The following CLUH variants were observed in gnomAD, a reference collection of about 807,000 sequenced individuals.
CLUH encodes clustered mitochondria protein homolog.
Under a neutral mutation model 139.3 loss-of-function variants are expected in CLUH, and 77 were observed. That is an observed-to-expected ratio of 0.55 (90% CI 0.46 to 0.67). The LOEUF (loss-of-function observed/expected upper bound fraction) is 0.67, where lower values mean the gene tolerates loss of function less well. Ranked by LOEUF, CLUH falls within the 30% of genes least tolerant of loss-of-function variation. CLUH has a pLI of 0.00. For missense variants in CLUH, 1,876 were observed against 1,875.8 expected (o/e 1.00, Z 0.00); for synonymous variants, 999 against 801.6 (o/e 1.25, Z -4.16).
chr17:2,700,196 G>A (rs1303861034), intron 9 of CLUH, among the ~76,000 whole-genome samples, 186 bp downstream of exon 9: 2 of 152,210 alleles, frequency 1.3e-5, no homozygotes, highest in African/African-American at 2.4e-5. Context: ...CCAGAGAAAG[G>A]TACTGGGATG....
chr17:2,696,419 GC>G lies in CLUH; in HGVS notation c.2290+14del. On this transcript the variant is annotated intron_variant, in intron 12 of 25. Transcript: ENST00000651024. The stretch of plus-strand genomic sequence containing the variant: ...CCCTGGAGGGCTCCTGCGCTGGCCG[GC>G]CCCCACCACCTGCCTGGTGAGAAGA... The G allele has an allele frequency of 6.4e-7, 1 of 1,569,004 alleles. No individual in the cohort carries two copies. The highest frequency in any genetic ancestry group is 8.6e-7 in the Non-Finnish European group (1 of 1,157,896).
rs747763125 is a variant in CLUH, at chr17:2,698,468, G to A, written c.1389C>T (p.Phe463=). The part of the protein sequence containing the change: ...KMQMFIWNNI[F]FSLGFDVRDH... Reference sequence around the variant, plus strand: ...CTCGGACGTCGAAGCCCAGGCTGAAGAAGATGTTGTTCCAGATGAACATCT... The same window carrying A: ...CTCGGACGTCGAAGCCCAGGCTGAAAAAGATGTTGTTCCAGATGAACATCT... Residue 463 remains phenylalanine, a synonymous_variant, in exon 10 of 26, where the codon TTC becomes TTT. Transcript: ENST00000651024. 7 of 1,613,182 alleles carry A rather than the reference G, an allele frequency of 4.3e-6. No homozygotes were observed. Among genetic ancestry groups the A allele is most frequent in the Non-Finnish European group, 5.9e-6 (7 of 1,179,832 alleles).
Position 2,698,099 on chromosome 17 carries a change from C to A in CLUH, c.1758G>T (p.Ser586=). The A allele has an allele frequency of 6.2e-7, 1 of 1,603,136 alleles. No homozygotes were observed. Residue 586 remains serine (S), a synonymous_variant, in exon 10 of 26, where the codon TCG becomes TCT. Transcript: ENST00000651024. The stretch of plus-strand genomic sequence containing the variant: ...TGCCAATGATGCCCTTGCACTCGAC[C>A]GAGGAGCAGAGCTCCACCTCCTCGT... ...DRDEEVELCS[S]VECKGIIGND... is the part of the protein sequence containing the mutation.
chr17:2,694,618 C>T (rs955027894), intron 16 of CLUH, 54 bp from the exon 17 acceptor site: 6 of 1,473,574 alleles, frequency 4.1e-6, no homozygotes, highest in Middle Eastern at 2.0e-4. Context: ...GCCCCCCCAA[C>T]ACCGCCCCAC....
At position 2,698,394 on chromosome 17, in the gene CLUH, G is replaced by A. The variant is rs746688846; in HGVS notation, c.1463C>T (p.Thr488Ile). ...CGTGCGGACGCCATTCAGGTCGTTG[G>A]TGGGCGCCACGTAGGCCGCCACGTC... ...GGDVAAYVAP[T>I]NDLNGVRTYN... The change falls in exon 10 of 26, where the codon ACC (threonine) becomes ATC (isoleucine). Residue 488 changes from threonine to isoleucine, a missense_variant. Physicochemically the swap from Thr to Ile is moderately conservative, Grantham distance 89. Transcript: ENST00000651024. The A allele has an allele frequency of 6.2e-7, 1 of 1,613,226 alleles. No individual in the cohort carries two copies. Among genetic ancestry groups the A allele is most frequent in the Non-Finnish European group, 8.5e-7 (1 of 1,179,732 alleles).
chr17:2,695,134 CCCTCAGCCCCA>C lies in CLUH; in HGVS notation c.2608-44_2608-34del, dbSNP rs747605648. 6.8e-6 allele frequency: 11 copies of C among 1,612,546 alleles called. No individual in the cohort carries two copies. In the South Asian group the frequency reaches 7.7e-5, roughly 11 times the overall value. On this transcript the variant is annotated intron_variant, in intron 15 of 25. Transcript: ENST00000651024. ...GCAGGTTGGATCCGAGTCATGAGGG[CCCTCAGCCCCA>C]CCTCAGGCTCTTTCCCGACGCCCCA...
In CLUH at chr17:2,691,780, G is replaced by A. The variant is rs372964732; in HGVS notation, c.3770C>T (p.Ala1257Val). 4 of 1,593,572 alleles carry A rather than the reference G, an allele frequency of 2.5e-6. No individual in the cohort carries two copies. Among genetic ancestry groups the A allele is most frequent in the African/African-American group, 1.3e-5 (1 of 74,506 alleles). The change falls in exon 24 of 26, where the codon GCC (alanine) becomes GTC (valine). Residue 1257 changes from alanine to valine, a missense_variant. Physicochemically the swap from Ala to Val is moderately conservative, Grantham distance 64. This residue lies in a region of CLUH where 1,454 missense variants were observed against 1,384.4 expected (regional missense o/e 1.05). Coordinates refer to ENST00000651024, the MANE Select transcript of CLUH (RefSeq NM_001366661.1). ...ACTCACCTTGAGGGGCGGGATGTTG[G>A]CGCTGGAGCCGTTGCGGTAGATCTC... is the stretch of plus-strand genomic sequence containing the variant. ...MNEIYRNGSS[A>V]NIPPLKFTAP... is the part of the protein sequence containing the mutation.
chr17:2,710,123 A>G (rs572872091), intron 1 of CLUH, among the ~76,000 whole-genome samples: 101 of 152,298 alleles, frequency 6.6e-4, no homozygotes, highest in Admixed American at 1.4e-3. Context: ...CTTGCTGGCC[A>G]TGAGCTGGAA....
chr17:2,700,968 C>T (rs1388734004), intron 7 of CLUH, 143 bp from the exon 8 acceptor site: 1 of 1,425,492 alleles, frequency 7.0e-7, no homozygotes, highest in Admixed American at 2.2e-5. Context: ...TGCACGGGCG[C>T]CTCTCCTGCG....
chr17:2,690,450 C>T lies in CLUH; in HGVS notation c.*144G>A. 1 of 682,598 alleles carries T rather than the reference C, an allele frequency of 1.5e-6. No individual in the cohort carries two copies. The highest frequency in any genetic ancestry group is 2.2e-6 in the Non-Finnish European group (1 of 460,036). The allele number at this position is 682,598 out of a possible 1,614,324, so 42.3% of individuals were successfully genotyped here. Reference sequence around the variant, plus strand: ...TCTGCGGGGCAGGCAGGCCAGGCTCCCAGGAGGACACGGGGGTGGGGTGGG... The same window carrying T: ...TCTGCGGGGCAGGCAGGCCAGGCTCTCAGGAGGACACGGGGGTGGGGTGGG... On this transcript the variant is annotated 3_prime_UTR_variant, in exon 26 of 26. Transcript: ENST00000651024.
chr17:2,707,917 G>A lies in CLUH; in HGVS notation c.101-3353C>T. 1 of 985,430 alleles carries A rather than the reference G, an allele frequency of 1.0e-6. No homozygotes were observed. The highest frequency in any genetic ancestry group is 1.2e-6 in the Non-Finnish European group (1 of 829,908). 61.0% of individuals were successfully genotyped at this position (985,430 alleles called of 1,614,324 possible). A position where few individuals can be genotyped will look rare whatever the true frequency, so the allele number is the denominator to read the frequency against. ...AGGGGGATGGGCCCCCAGCTTCCCAGAGGACAACTGCACCCGTGCCCCTGG... is the reference window on the plus strand; with the variant it reads ...AGGGGGATGGGCCCCCAGCTTCCCAAAGGACAACTGCACCCGTGCCCCTGG... On this transcript the variant is annotated intron_variant, in intron 1 of 25. Coordinates refer to ENST00000651024, the MANE Select transcript of CLUH (RefSeq NM_001366661.1). This position sits in a 1 kb window ranked among gnomAD's most constrained non-coding sequence, Gnocchi z 7.4.
chr17:2,699,985 C>A (rs966202347), intron 9 of CLUH, among the ~76,000 whole-genome samples: 2 of 152,142 alleles, frequency 1.3e-5, no homozygotes, highest in East Asian at 1.9e-4. Flanking sequence ...AGTAACCCAG[C>A]ACTAATAACT....
intron 9 of CLUH, among the ~76,000 whole-genome samples, chr17:2,700,132 G>C (rs1045463236): frequency 1.3e-5 from 2 of 152,262 alleles, no homozygotes; most frequent in African/African-American, 4.8e-5. Context: ...TGGACACTCA[G>C]TCCCTATGGG....
At chr17:2,692,534 A>G in intron 21 of CLUH, 37 bp downstream of exon 21, 1 of 1,601,032 alleles carries the variant, frequency 6.2e-7, no homozygotes, top group Non-Finnish European at 8.5e-7. Flanking sequence ...CCTGGGATGG[A>G]GCTGGGTCCC....
Position 2,698,669 on chromosome 17 carries a change from A to T in CLUH, c.1267-79T>A, listed in dbSNP as rs1385890591. The T allele has an allele frequency of 6.0e-6, 8 of 1,338,188 alleles. No homozygotes were observed. In the African/African-American group the frequency reaches 1.0e-4, roughly 17 times the overall value. 82.9% of individuals were successfully genotyped at this position (1,338,188 alleles called of 1,614,324 possible). A position where few individuals can be genotyped will look rare whatever the true frequency, so the allele number is the denominator to read the frequency against. The stretch of plus-strand genomic sequence containing the variant: ...TCCACCTGGCCAAGCGCACGCACCT[A>T]GACCGCGGAGGCAACCGGGCCTGCC... On this transcript the variant is annotated intron_variant, in intron 9 of 25. Coordinates refer to ENST00000651024, the MANE Select transcript of CLUH (RefSeq NM_001366661.1).
rs2069679112 is a variant in CLUH at position 2,691,958 on chromosome 17, CACGCCCCCG to C, written c.3654+37_3654+45del. 12 of 408,314 alleles carry C rather than the reference CACGCCCCCG, an allele frequency of 2.9e-5. No homozygotes were observed. In the African/African-American group the frequency reaches 5.5e-4, roughly 19 times the overall value. The allele number at this position is 408,314 out of a possible 1,614,324, so 25.3% of individuals were successfully genotyped here. A position where few individuals can be genotyped will look rare whatever the true frequency, so the allele number is the denominator to read the frequency against. On this transcript the variant is annotated intron_variant, in intron 23 of 25. Transcript: ENST00000651024. ...CCCCGCGGCCCCGCCCCCGCCCCGC[CACGCCCCCG>C]CCCCGCCCCCGCCCCCGCCACGCCC...
chr17:2,695,968 G>A (rs1014652748), intron 13 of CLUH, 191 bp downstream of exon 13: 137 of 599,648 alleles, frequency 2.3e-4, no homozygotes, highest in Non-Finnish European at 7.1e-5. Flanking sequence ...CCCACACGGT[G>A]GGCTCAGCAG....
Position 2,711,758 on chromosome 17 carries a change from A to G in CLUH, c.-97T>C. ...GCCGCGGCTGCTGAGGGAAGGACGG[A>G]GTCACCGGCCCACGTGGTGCGCGCC... On this transcript the variant is annotated 5_prime_UTR_variant, in exon 1 of 26. Transcript: ENST00000651024. 1 of 417,418 alleles carries G rather than the reference A, an allele frequency of 2.4e-6. No homozygotes were observed. The highest frequency in any genetic ancestry group is 1.0e-4 in the South Asian group (1 of 10,020). The allele number at this position is 417,418 out of a possible 1,614,324, so 25.9% of individuals were successfully genotyped here. A position where few individuals can be genotyped will look rare whatever the true frequency, so the allele number is the denominator to read the frequency against.
At position 2,699,198 on chromosome 17, in the gene CLUH, T is replaced by TTATA. The variant is rs550014683; in HGVS notation, c.1267-609_1267-608insTATA. Among the ~76,000 whole-genome samples, 812 of 152,314 alleles carry TTATA rather than the reference T, an allele frequency of 5.3e-3. 3 individuals carry two copies. The highest frequency in any genetic ancestry group is 0.01 in the Middle Eastern group (3 of 294). On this transcript the variant is annotated intron_variant, in intron 9 of 25. Coordinates refer to ENST00000651024, the MANE Select transcript of CLUH (RefSeq NM_001366661.1). ...CTTGAACAGATAAAGGTATTGACCT[T>TTATA]TACAAGTTGTCCAATATATTATAGG... is the stretch of plus-strand genomic sequence containing the variant.
Sources: gnomAD v4.1 joint callset for allele counts (sites outside exome capture counted in the v4.1 genomes callset) on GRCh38, gnomAD v4.1.1 for gene constraint, gnomAD v4.1.1 regional missense constraint, Gnocchi (gnomAD v3.1) non-coding constraint, MANE v1.5 for transcripts, NCBI Gene and HGNC (gene_info 2026-07-23, HGNC 2026-07-21) for gene names.